The following SYN3 variants were observed in gnomAD, a reference collection of about 807,000 sequenced individuals.
SYN3 encodes synapsin-3.
A neutral mutation model predicts 65.8 loss-of-function variants in SYN3; 35 were observed. The ratio of observed to expected loss-of-function variants is 0.53; its 90% CI spans 0.41 to 0.70. The LOEUF (loss-of-function observed/expected upper bound fraction) is 0.70. SYN3 is among the 30% of genes least tolerant of loss of function. The pLI, the probability that SYN3 is intolerant of heterozygous loss-of-function variation, is 0.00. For missense variants in SYN3, 680 were observed against 749.0 expected (o/e 0.91, Z 1.08); for synonymous variants, 270 against 292.9 (o/e 0.92, Z 0.80).
chr22:32,608,014 C>T (rs2059393747), intron 6 of SYN3, among the ~76,000 whole-genome samples: 1 of 152,212 alleles, frequency 6.6e-6, no homozygotes, highest in African/African-American at 2.4e-5. Flanking sequence ...GTTCCAGCTG[C>T]ATCTGTAGAT....
intron 13 of SYN3, among the ~76,000 whole-genome samples, chr22:32,517,589 A>C (rs142471466): frequency 6.6e-5 from 10 of 152,334 alleles, no homozygotes; most frequent in African/African-American, 2.4e-4. Flanking sequence ...TTTGGGGCAT[A>C]ATTATACTCA....
chr22:32,582,759 G>A (rs1304063047), intron 7 of SYN3, among the ~76,000 whole-genome samples: 1 of 152,024 alleles, frequency 6.6e-6, no homozygotes, highest in Non-Finnish European at 1.5e-5. Flanking sequence ...GAGCAGCAAG[G>A]CTACCGAAGA....
In SYN3 at chr22:32,600,844, G is replaced by A. The variant is rs534017683; in HGVS notation, c.712-4108C>T. 5.9e-5 allele frequency among the ~76,000 whole-genome samples: 9 copies of A among 152,142 alleles called. No homozygotes were observed. The South Asian group carries it at 6.2e-4, about 11-fold the overall frequency. Reference sequence around the variant, plus strand: ...CTGGTATTACAGGCTGTGCCACCATGCCTGGCTAATTTTTGTATTTTCAGT... The same window carrying A: ...CTGGTATTACAGGCTGTGCCACCATACCTGGCTAATTTTTGTATTTTCAGT... On this transcript the variant is annotated intron_variant, in intron 6 of 13. Coordinates refer to ENST00000358763, the MANE Select transcript of SYN3 (RefSeq NM_003490.4).
intron 6 of SYN3, among the ~76,000 whole-genome samples, chr22:32,808,350 A>G (rs950602130): frequency 1.3e-5 from 2 of 152,134 alleles, no homozygotes; most frequent in Non-Finnish European, 2.9e-5. Context: ...CTTGTTGCCT[A>G]TGGATGGCAC....
At chr22:32,818,540 C>T (rs919935931) in intron 6 of SYN3, among the ~76,000 whole-genome samples, 10 of 152,102 alleles carry the variant, frequency 6.6e-5, no homozygotes, top group Admixed American at 2.6e-4. Flanking sequence ...TTCAGACTCT[C>T]GCTTTCAGAG....
chr22:32,927,652 T>A (rs1176206677), intron 4 of SYN3, among the ~76,000 whole-genome samples: 1 of 152,248 alleles, frequency 6.6e-6, no homozygotes, highest in Non-Finnish European at 1.5e-5. Flanking sequence ...ATCCTTCATA[T>A]ATTTTTAAAT....
At position 32,593,780 on chromosome 22, in the gene SYN3, C is replaced by T. The variant is rs147239068; in HGVS notation, c.774+2894G>A. 4.1e-4 allele frequency among the ~76,000 whole-genome samples: 62 copies of T among 152,228 alleles called. 2 individuals carry two copies. The East Asian group carries it at 9.5e-3, about 23-fold the overall frequency. ...GGTGACTCGGGAGTCTGTTGGCATG[C>T]AGATGGCAGCTGAAGCTGAGGTAGC... On this transcript the variant is annotated intron_variant, in intron 7 of 13. Coordinates refer to ENST00000358763, the MANE Select transcript of SYN3 (RefSeq NM_003490.4).
At chr22:32,637,051 T>C (rs1160925575) in intron 6 of SYN3, among the ~76,000 whole-genome samples, 1 of 152,198 alleles carries the variant, frequency 6.6e-6, no homozygotes, top group Non-Finnish European at 1.5e-5. Context: ...ACCACTGAAC[T>C]AGAAATGACA....
At chr22:32,664,148 A>AAGACTGGT (rs2060256805) in intron 6 of SYN3, among the ~76,000 whole-genome samples, 1 of 152,224 alleles carries the variant, frequency 6.6e-6, no homozygotes, top group East Asian at 1.9e-4. Flanking sequence ...TAGATAAACC[A>AAGACTGGT]AGACTGGTGC....
chr22:33,053,286 G>A (rs1178417115), intron 1 of SYN3, among the ~76,000 whole-genome samples: 5 of 152,272 alleles, frequency 3.3e-5, no homozygotes, highest in South Asian at 4.2e-4. Flanking sequence ...AGCCGGGTGC[G>A]GTGGCGGGTG....
chr22:32,524,541 T>C (rs1450924357), intron 12 of SYN3, among the ~76,000 whole-genome samples: 1 of 152,212 alleles, frequency 6.6e-6, no homozygotes, highest in Non-Finnish European at 1.5e-5. Context: ...TGAGACCTAG[T>C]GTTCAGAAAA....
intron 6 of SYN3, among the ~76,000 whole-genome samples, chr22:32,734,669 A>G (rs904959083): frequency 2.6e-5 from 4 of 152,184 alleles, no homozygotes; most frequent in Non-Finnish European, 4.4e-5. Flanking sequence ...TCCGAGATGA[A>G]GAGAAAGTCC....
chr22:32,613,649 T>C (rs2059476993), intron 6 of SYN3, among the ~76,000 whole-genome samples: 1 of 152,250 alleles, frequency 6.6e-6, no homozygotes, highest in African/African-American at 2.4e-5. Context: ...ATGGGATTCA[T>C]TGAATGAATG....
chr22:32,807,525 A>G lies in SYN3; in HGVS notation c.711+57390T>C, dbSNP rs977178084. On this transcript the variant is annotated intron_variant, in intron 6 of 13. Coordinates refer to ENST00000358763, the MANE Select transcript of SYN3 (RefSeq NM_003490.4). ...TTACTATGTGCCAGGCATTATTCTA[A>G]GTCATTAACTTACATTAACTCATTT... Among the ~76,000 whole-genome samples, 8 of 147,490 alleles carry G rather than the reference A, an allele frequency of 5.4e-5. No homozygotes were observed. The East Asian group carries it at 5.9e-4, about 11-fold the overall frequency.
In SYN3 at chr22:32,556,588, G is replaced by A. The variant is rs567786905; in HGVS notation, c.775-14875C>T. On this transcript the variant is annotated intron_variant, in intron 7 of 13. Coordinates refer to ENST00000358763, the MANE Select transcript of SYN3 (RefSeq NM_003490.4). Reference sequence around the variant, plus strand: ...TGGCGCTCCAGGACTTCTCAGTGTCGAGTTTGGGAACTGGAGCCCTAATGT... The same window carrying A: ...TGGCGCTCCAGGACTTCTCAGTGTCAAGTTTGGGAACTGGAGCCCTAATGT... Among the ~76,000 whole-genome samples the A allele has an allele frequency of 1.9e-3, 284 of 152,214 alleles. 12 individuals carry two copies. In the South Asian group the frequency reaches 0.056, roughly 30 times the overall value.
chr22:32,867,189 A>G lies in SYN3; in HGVS notation c.621+1777T>C, dbSNP rs989707247. Among the ~76,000 whole-genome samples, 7 of 152,334 alleles carry G rather than the reference A, an allele frequency of 4.6e-5. No individual in the cohort carries two copies. The South Asian group carries it at 1.2e-3, about 27-fold the overall frequency. On this transcript the variant is annotated intron_variant, in intron 5 of 13. Coordinates refer to ENST00000358763, the MANE Select transcript of SYN3 (RefSeq NM_003490.4). ...GCAAAACACCACAGACCAGACAGCT[A>G]TGAGCTTCATAGAGCACTTTCTACA...
chr22:32,810,226 G>T (rs1326846575), intron 6 of SYN3, among the ~76,000 whole-genome samples: 3 of 152,142 alleles, frequency 2.0e-5, no homozygotes, highest in African/African-American at 4.8e-5. Context: ...CTTCAGAGGG[G>T]CCCCAGAGAA....
At chr22:32,852,519 A>G (rs1319359832) in intron 6 of SYN3, among the ~76,000 whole-genome samples, 2 of 152,252 alleles carry the variant, frequency 1.3e-5, no homozygotes, top group Non-Finnish European at 2.9e-5. Context: ...ACTTTGTTCT[A>G]GCAGATTAGA....
chr22:32,639,633 C>T (rs570204100), intron 6 of SYN3, among the ~76,000 whole-genome samples: 3 of 124,436 alleles, frequency 2.4e-5, no homozygotes, highest in South Asian at 5.6e-4. Context: ...ACTGCAGCCT[C>T]GATCTCCTGG....
Sources: gnomAD v4.1 joint callset for allele counts (sites outside exome capture counted in the v4.1 genomes callset) on GRCh38, gnomAD v4.1.1 for gene constraint, MANE v1.5 for transcripts, NCBI Gene and HGNC (gene_info 2026-07-23, HGNC 2026-07-21) for gene names.